MARCHF1: variants seen among roughly 807,000 people sequenced by gnomAD.
The protein encoded by MARCHF1 is E3 ubiquitin-protein ligase MARCHF1.
MARCHF1 carries 40 observed loss-of-function variants against 54.2 expected under a neutral mutation model. The observed-to-expected ratio is 0.74, with a 90% CI of 0.57 to 0.96. The LOEUF (loss-of-function observed/expected upper bound fraction) is 0.96. MARCHF1 is among the 40% of genes least tolerant of loss of function. The probability of loss-of-function intolerance (pLI) is 0.00; values close to 1 mark genes in which losing one functional copy is unlikely to be tolerated. For missense variants in MARCHF1, 586 were observed against 656.5 expected (o/e 0.89, Z 1.17); for synonymous variants, 236 against 236.3 (o/e 1.00, Z 0.01).
chr4:164,068,276 C>G (rs986425016), intron 2 of MARCHF1, among the ~76,000 whole-genome samples: 1 of 152,162 alleles, frequency 6.6e-6, no homozygotes, highest in Non-Finnish European at 1.5e-5. Flanking sequence ...CCTCCTCAGT[C>G]TTGGCACCCA....
At chr4:164,189,209 T>C in intron 1 of MARCHF1, 1 of 566,864 alleles carries the variant, frequency 1.8e-6, no homozygotes, top group Admixed American at 2.9e-5. Flanking sequence ...GACAAAGATG[T>C]CAGGAAAGAC....
chr4:163,733,203 A>ATATATATATATACATACACATG (rs1745912102), intron 4 of MARCHF1, among the ~76,000 whole-genome samples: 2 of 37,862 alleles, frequency 5.3e-5, no homozygotes, highest in Non-Finnish European at 1.2e-4. Context: ...ATATATATAT[A>ATATATATATATACATACACATG]TATATATATA....
chr4:164,228,500 C>T, intron 1 of MARCHF1, among the ~76,000 whole-genome samples: 1 of 152,088 alleles, frequency 6.6e-6, no homozygotes, highest in East Asian at 1.9e-4. Context: ...CATGGAGGTT[C>T]CTCCAAAACA....
intron 8 of MARCHF1, among the ~76,000 whole-genome samples, chr4:163,569,550 T>C (rs1042616634): frequency 1.3e-5 from 2 of 150,046 alleles, no homozygotes; most frequent in Admixed American, 6.7e-5. Flanking sequence ...CATTATCTTA[T>C]TCAGCTCTCC....
intron 3 of MARCHF1, among the ~76,000 whole-genome samples, chr4:163,946,635 A>G (rs1752031653): frequency 6.6e-6 from 1 of 152,200 alleles, no homozygotes; most frequent in Non-Finnish European, 1.5e-5. Context: ...TTGGTAGACA[A>G]GACCATGCAT....
chr4:164,255,476 A>G (rs556158066), intron 1 of MARCHF1, among the ~76,000 whole-genome samples: 14 of 152,000 alleles, frequency 9.2e-5, no homozygotes, highest in African/African-American at 2.9e-4. Context: ...AAATTCTTCA[A>G]CAACGCCACG....
intron 5 of MARCHF1, among the ~76,000 whole-genome samples, chr4:163,692,580 A>ATAT (rs1744497885): frequency 1.4e-5 from 2 of 143,174 alleles, no homozygotes; most frequent in African/African-American, 2.6e-5. Flanking sequence ...GGGCTGGATT[A>ATAT]TGGCTCCTTG....
chr4:164,325,976 C>T (rs1259160470), intron 1 of MARCHF1, among the ~76,000 whole-genome samples: 1 of 152,158 alleles, frequency 6.6e-6, no homozygotes, highest in Non-Finnish European at 1.5e-5. Context: ...CTGCAGTTCA[C>T]TATTGTACAT....
At chr4:163,549,400 C>T (rs760954541) in intron 8 of MARCHF1, among the ~76,000 whole-genome samples, 1 of 152,012 alleles carries the variant, frequency 6.6e-6, no homozygotes, top group Admixed American at 6.5e-5. Context: ...AATGGTAAGA[C>T]GGCAGCTCCC....
intron 1 of MARCHF1, among the ~76,000 whole-genome samples, chr4:164,221,624 G>A (rs921080339): frequency 1.3e-5 from 2 of 151,864 alleles, no homozygotes; most frequent in Admixed American, 1.3e-4. Context: ...GACATTTGGA[G>A]CTAGAAATTC....
At chr4:163,926,594 C>T (rs1247087144) in intron 3 of MARCHF1, among the ~76,000 whole-genome samples, 2 of 151,562 alleles carry the variant, frequency 1.3e-5, no homozygotes, top group Non-Finnish European at 3.0e-5. Flanking sequence ...ACATTCCCAA[C>T]ATACCATATG....
At chr4:164,028,350 A>T (rs1753812375) in intron 2 of MARCHF1, among the ~76,000 whole-genome samples, 1 of 152,244 alleles carries the variant, frequency 6.6e-6, no homozygotes, top group Non-Finnish European at 1.5e-5. Flanking sequence ...GACTGGATAA[A>T]GAAAATGCAG....
intron 3 of MARCHF1, among the ~76,000 whole-genome samples, chr4:163,921,443 T>G (rs532312253): frequency 1.1e-4 from 16 of 152,270 alleles, no homozygotes; most frequent in Admixed American, 2.0e-4. Flanking sequence ...AATCCAATGG[T>G]AATGTGTCAT....
intron 2 of MARCHF1, among the ~76,000 whole-genome samples, chr4:164,022,169 T>C (rs1170465134): frequency 3.3e-5 from 5 of 152,198 alleles, no homozygotes; most frequent in African/African-American, 1.2e-4. Context: ...CCAAGAGCAC[T>C]GATACATTGT....
intron 4 of MARCHF1, among the ~76,000 whole-genome samples, chr4:163,819,515 A>G (rs1248038524): frequency 6.6e-6 from 1 of 152,100 alleles, no homozygotes; most frequent in Non-Finnish European, 1.5e-5. Context: ...CACTTTCTGT[A>G]AGCCTTACTT....
chr4:163,680,626 C>T (rs554957924), intron 5 of MARCHF1, among the ~76,000 whole-genome samples: 9 of 152,328 alleles, frequency 5.9e-5, no homozygotes, highest in Non-Finnish European at 1.3e-4. Flanking sequence ...CCTTGTCATC[C>T]TTCCTCTGTG....
Position 164,351,317 on chromosome 4 carries a change from T to A in MARCHF1, c.-323+32553A>T, listed in dbSNP as rs551108160. Among the ~76,000 whole-genome samples, 58 of 150,994 alleles carry A rather than the reference T, an allele frequency of 3.8e-4. 1 individual carries two copies. Among genetic ancestry groups the A allele is most frequent in the South Asian group, 6.3e-4 (3 of 4,744 alleles). The stretch of plus-strand genomic sequence containing the variant: ...CTCCACCTCTGGGGGCAGGGCACAG[T>A]CAAACAAAAAGACAGCAGTAACCTC... On this transcript the variant is annotated intron_variant, in intron 1 of 9. Transcript: ENST00000514618.
At chr4:164,065,472 G>A (rs892640277) in intron 2 of MARCHF1, among the ~76,000 whole-genome samples, 1 of 152,150 alleles carries the variant, frequency 6.6e-6, no homozygotes, top group Non-Finnish European at 1.5e-5. Flanking sequence ...CTTCCACACA[G>A]TGAAAGAAAC....
rs1295817610 is a variant in MARCHF1, at chr4:164,144,999, G to A, written c.-322-33337C>T. Among the ~76,000 whole-genome samples the A allele has an allele frequency of 2.3e-4, 31 of 134,326 alleles. 1 individual carries two copies. The highest frequency in any genetic ancestry group is 1.7e-3 in the East Asian group (8 of 4,832). 88.1% of individuals were successfully genotyped at this position (134,326 alleles called of 152,430 possible). A position where few individuals can be genotyped will look rare whatever the true frequency, so the allele number is the denominator to read the frequency against. The stretch of plus-strand genomic sequence containing the variant: ...AAATGATAAAGGGGATATCACCACC[G>A]ATCCCACAGAAATACGAACTACCGT... On this transcript the variant is annotated intron_variant, in intron 1 of 9. Transcript: ENST00000514618.
Sources: gnomAD v4.1 joint callset for allele counts (sites outside exome capture counted in the v4.1 genomes callset) on GRCh38, gnomAD v4.1.1 for gene constraint, MANE v1.5 for transcripts, NCBI Gene and HGNC (gene_info 2026-07-23, HGNC 2026-07-21) for gene names.